The following PCDH15 variants were observed in gnomAD, a reference collection of about 807,000 sequenced individuals.
PCDH15 encodes protocadherin related 15, also known as protocadherin-15.
Under a neutral mutation model 178.5 loss-of-function variants are expected in PCDH15, and 129 were observed. The observed-to-expected ratio is 0.72, with a 90% CI of 0.63 to 0.84. The LOEUF is 0.84. Ranked by LOEUF, PCDH15 falls within the 40% of genes least tolerant of loss-of-function variation. The probability of loss-of-function intolerance (pLI) is 0.00; values close to 1 mark genes in which losing one functional copy is unlikely to be tolerated. For synonymous variants in PCDH15, 800 were observed against 732.0 expected, an observed-to-expected ratio of 1.09 and a Z score of -1.50; for missense variants, 2,230 against 2,099.9, an observed-to-expected ratio of 1.06 and a Z score of -1.21.
intron 18 of PCDH15, among the ~76,000 whole-genome samples, chr10:54,039,675 C>A (rs1408838462): frequency 2.6e-5 from 4 of 151,898 alleles, no homozygotes; most frequent in African/African-American, 7.3e-5. Flanking sequence ...CAAAATAAAT[C>A]TATAAACCAT....
At chr10:54,709,936 T>C (rs2095411208) in intron 1 of PCDH15, among the ~76,000 whole-genome samples, 1 of 145,106 alleles carries the variant, frequency 6.9e-6, no homozygotes, top group Non-Finnish European at 1.5e-5. Context: ...TTTTAACACC[T>C]TTATGTATAT....
At chr10:55,228,828 C>A (rs1841129838) in intron 1 of PCDH15, among the ~76,000 whole-genome samples, 1 of 151,900 alleles carries the variant, frequency 6.6e-6, no homozygotes, top group Admixed American at 6.6e-5. Flanking sequence ...TCAGTTATAT[C>A]TGACACAATT....
intron 2 of PCDH15, among the ~76,000 whole-genome samples, chr10:55,114,141 C>T (rs751192524): frequency 3.2e-4 from 49 of 152,050 alleles, no homozygotes; most frequent in African/African-American, 1.1e-3. Context: ...TTGGTAGAGA[C>T]GGGGTTTCAC....
At chr10:55,473,302 G>T (rs1840001086) in intron 2 of PCDH15, among the ~76,000 whole-genome samples, 1 of 150,952 alleles carries the variant, frequency 6.6e-6, no homozygotes, top group Non-Finnish European at 1.5e-5. Context: ...AAATGCAAAA[G>T]CTCAAAAGAT....
Position 54,023,031 on chromosome 10 carries a change from A to G in PCDH15, c.2387T>C (p.Val796Ala). The G allele has an allele frequency of 6.2e-7, 1 of 1,614,008 alleles. No homozygotes were observed. Residue 796 changes from valine to alanine, a missense_variant, in exon 19 of 38, where the codon GTA becomes GCA. Transcript: ENST00000644397. The stretch of plus-strand genomic sequence containing the variant: ...GGTTAGAGTTGAATGACGAGGGTGT[A>G]CTGCTCCATCTGTTGCCACAACAAC... The part of the protein sequence containing the change: ...ELVVVATDGA[V>A]HPRHSTLTLA...
chr10:54,531,002 G>A (rs1387871947), intron 2 of PCDH15, among the ~76,000 whole-genome samples: 1 of 152,202 alleles, frequency 6.6e-6, no homozygotes, highest in South Asian at 2.1e-4. Flanking sequence ...AAGTAATTTG[G>A]ATGTAATAGC....
At chr10:54,624,718 T>C (rs1286193727) in intron 2 of PCDH15, among the ~76,000 whole-genome samples, 2 of 152,190 alleles carry the variant, frequency 1.3e-5, no homozygotes, top group Admixed American at 6.5e-5. Context: ...CATTATTGCC[T>C]GAGCTCTACC....
At chr10:54,207,438 T>C (rs1481295153) in intron 10 of PCDH15, among the ~76,000 whole-genome samples, 1 of 151,886 alleles carries the variant, frequency 6.6e-6, no homozygotes, top group Non-Finnish European at 1.5e-5. Context: ...TTCCTAGTAA[T>C]GGTAGTGTTG....
intron 21 of PCDH15, among the ~76,000 whole-genome samples, chr10:53,969,625 A>T (rs1329620563): frequency 6.6e-6 from 1 of 152,234 alleles, no homozygotes; most frequent in Non-Finnish European, 1.5e-5. Flanking sequence ...CTGGTTACCC[A>T]CAAAGGGAAG....
chr10:53,926,795 G>T (rs2084592526), intron 25 of PCDH15, among the ~76,000 whole-genome samples: 1 of 152,038 alleles, frequency 6.6e-6, no homozygotes, highest in South Asian at 2.1e-4. Context: ...TTCAAATCAT[G>T]CATGTCTATG....
intron 1 of PCDH15, among the ~76,000 whole-genome samples, chr10:54,773,805 G>T (rs967292014): frequency 6.6e-6 from 1 of 151,528 alleles, no homozygotes; most frequent in Non-Finnish European, 1.5e-5. Flanking sequence ...AAAATACCAA[G>T]AAAATATCAT....
At chr10:54,652,770 T>A (rs112122579) in intron 2 of PCDH15, among the ~76,000 whole-genome samples, 4 of 152,116 alleles carry the variant, frequency 2.6e-5, no homozygotes, top group Non-Finnish European at 5.9e-5. Context: ...AGTACCTTGA[T>A]CTTGGATAAT....
chr10:53,851,682 AT>A (rs1418055737), intron 28 of PCDH15, among the ~76,000 whole-genome samples: 1 of 20,296 alleles, frequency 4.9e-5, no homozygotes, highest in African/African-American at 7.8e-4. Context: ...ATATATATAT[AT>A]ATATATATAT....
At chr10:55,526,165 A>G (rs1281213261) in intron 2 of PCDH15, among the ~76,000 whole-genome samples, 4 of 151,992 alleles carry the variant, frequency 2.6e-5, no homozygotes, top group East Asian at 1.9e-4. Context: ...TAGACAAGAC[A>G]GTGGTTGTAT....
chr10:54,884,537 C>T (rs1240836771), intron 3 of PCDH15, among the ~76,000 whole-genome samples: 1 of 150,580 alleles, frequency 6.6e-6, no homozygotes, highest in Non-Finnish European at 1.5e-5. Flanking sequence ...TCCTGACTTT[C>T]ATCAATAGTT....
At chr10:55,485,961 G>C (rs1005969160) in intron 2 of PCDH15, among the ~76,000 whole-genome samples, 2 of 151,588 alleles carry the variant, frequency 1.3e-5, no homozygotes, top group African/African-American at 4.8e-5. Context: ...TGTATTTCTA[G>C]GCTAGGTGAG....
intron 2 of PCDH15, among the ~76,000 whole-genome samples, chr10:54,560,785 A>AAAT (rs1590116876): frequency 6.6e-6 from 1 of 152,108 alleles, no homozygotes; most frequent in East Asian, 1.9e-4. Context: ...TTTAAATGTT[A>AAAT]GGATATAATG....
At chr10:54,514,915 C>T (rs1186979000) in intron 3 of PCDH15, among the ~76,000 whole-genome samples, 6 of 152,222 alleles carry the variant, frequency 3.9e-5, no homozygotes, top group South Asian at 2.1e-4. Context: ...ACTTACTCAT[C>T]GAAAAGAAAT....
In PCDH15 at chr10:55,573,864, C is replaced by T. The variant is rs188139396; in HGVS notation, c.-156+53761G>A. Among the ~76,000 whole-genome samples, 309 of 151,700 alleles carry T rather than the reference C, an allele frequency of 2.0e-3. 3 individuals carry two copies. Among genetic ancestry groups the T allele is most frequent in the Admixed American group, 6.8e-3 (104 of 15,208 alleles). On this transcript the variant is annotated intron_variant, in intron 2 of 5. Coordinates refer to the PCDH15 transcript ENST00000613346. ...CTGAAAGCAATGATTTGTAACATTG[C>T]TTTATTTATTGTATATTATTATAAC...
Sources: allele counts gnomAD v4.1 joint callset (sites outside exome capture counted in the v4.1 genomes callset), GRCh38; gene constraint gnomAD v4.1.1; transcripts MANE v1.5; gene names NCBI Gene and HGNC (gene_info 2026-07-23, HGNC 2026-07-21).